LRRIQ1: variants seen among roughly 807,000 people sequenced by gnomAD.
The protein encoded by LRRIQ1 is leucine-rich repeat- and IQ domain-containing protein 1.
A neutral mutation model predicts 211.9 loss-of-function variants in LRRIQ1; 210 were observed. The ratio of observed to expected loss-of-function variants is 0.99; its 90% CI spans 0.89 to 1.11. The LOEUF (loss-of-function observed/expected upper bound fraction) is 1.11, where lower values mean the gene tolerates loss of function less well. LRRIQ1 is among the 50% of genes most tolerant of loss of function. The pLI, the probability that LRRIQ1 is intolerant of heterozygous loss-of-function variation, is 0.00. For synonymous variants in LRRIQ1, 699 were observed against 650.1 expected (o/e 1.08, Z -1.14); for missense variants, 2,136 against 1,939.5 (o/e 1.10, Z -1.90).
intron 24 of LRRIQ1, among the ~76,000 whole-genome samples, chr12:85,185,668 G>A (rs1270881571): frequency 1.3e-5 from 2 of 151,948 alleles, no homozygotes; most frequent in African/African-American, 2.4e-5. Flanking sequence ...TGGTGGTAAT[G>A]ATTCATAAAT....
At chr12:85,100,676 T>C (rs7956568) in intron 13 of LRRIQ1, among the ~76,000 whole-genome samples, 43,015 of 151,470 alleles carry the variant, frequency 0.28, 6,250 homozygotes, top group Admixed American at 0.34. Context: ...TGTATTTCTT[T>C]TGAGTCTGTC....
At chr12:85,067,708 A>C (rs1882590553) in intron 10 of LRRIQ1, among the ~76,000 whole-genome samples, 1 of 151,906 alleles carries the variant, frequency 6.6e-6, no homozygotes, top group South Asian at 2.1e-4. Flanking sequence ...TATTCCCATC[A>C]GCCCGTCAGG....
chr12:85,162,790 G>A (rs1890956053), intron 24 of LRRIQ1: 1 of 455,598 alleles, frequency 2.2e-6, no homozygotes, highest in South Asian at 1.6e-5. Context: ...GCTTTCTTTT[G>A]GAACCAGGTA....
chr12:85,171,992 A>G (rs1464599495), intron 24 of LRRIQ1, among the ~76,000 whole-genome samples: 1 of 152,214 alleles, frequency 6.6e-6, no homozygotes, highest in East Asian at 1.9e-4. Flanking sequence ...TCAAAGTGCT[A>G]AAATAAAATA....
intron 11 of LRRIQ1, among the ~76,000 whole-genome samples, chr12:85,077,975 G>A (rs1417745633): frequency 1.5e-5 from 2 of 135,070 alleles, no homozygotes; most frequent in African/African-American, 3.1e-5. Flanking sequence ...GCACCAGAAC[G>A]AGACCCTGTC....
chr12:85,109,228 G>A (rs1886999869), intron 15 of LRRIQ1, among the ~76,000 whole-genome samples: 2 of 152,102 alleles, frequency 1.3e-5, no homozygotes, highest in Admixed American at 1.3e-4. Flanking sequence ...CTTGTCTGAG[G>A]CTACTGCAAA....
At chr12:85,238,347 A>C (rs1179341996) in intron 26 of LRRIQ1, among the ~76,000 whole-genome samples, 1 of 152,090 alleles carries the variant, frequency 6.6e-6, no homozygotes, top group Non-Finnish European at 1.5e-5. Flanking sequence ...TGTGAAAACT[A>C]ATCACTGAAA....
downstream of LRRIQ1, among the ~76,000 whole-genome samples, chr12:85,249,254 A>G (rs1486137899): frequency 6.6e-6 from 1 of 151,830 alleles, no homozygotes; most frequent in Non-Finnish European, 1.5e-5. Context: ...AAAGATGGAT[A>G]TTGAAGTTTA....
chr12:85,238,756 TAGTGG>T (rs1307192274), intron 26 of LRRIQ1, among the ~76,000 whole-genome samples: 1 of 152,068 alleles, frequency 6.6e-6, no homozygotes, highest in African/African-American at 2.4e-5. Context: ...TTGATATACT[TAGTGG>T]TTAAAGGCCC....
At chr12:85,272,576 T>C in the LRRIQ1 span, among the ~76,000 whole-genome samples, 1 of 152,176 alleles carries the variant, frequency 6.6e-6, no homozygotes, top group African/African-American at 2.4e-5. Context: ...AAATGTATTC[T>C]TTAAAGCCTT....
chr12:85,159,410 G>A (rs1890737603), intron 23 of LRRIQ1: 1 of 151,852 alleles, frequency 6.6e-6, no homozygotes, highest in African/African-American at 2.4e-5. Context: ...TTATGTCTGT[G>A]GTTGAGAACC....
intron 3 of LRRIQ1, among the ~76,000 whole-genome samples, chr12:85,040,942 A>G (rs1592682024): frequency 1.3e-5 from 2 of 151,644 alleles, no homozygotes; most frequent in Non-Finnish European, 3.0e-5. Context: ...TGGGAAAAAT[A>G]TAATCACTTA....
At chr12:85,260,677 C>T (rs190667210) in intron 1 of LRRIQ1, among the ~76,000 whole-genome samples, 17 of 152,232 alleles carry the variant, frequency 1.1e-4, no homozygotes, top group African/African-American at 3.6e-4. Context: ...AATAAATATT[C>T]GGTATCCAGG....
At chr12:85,132,808 AT>A (rs772324969) in intron 18 of LRRIQ1, among the ~76,000 whole-genome samples, 1 of 151,766 alleles carries the variant, frequency 6.6e-6, no homozygotes, top group African/African-American at 2.4e-5. Flanking sequence ...AATAAAAATA[AT>A]TTTTTAAAAT....
chr12:85,061,600 CTG>C (rs1181309039), intron 8 of LRRIQ1, among the ~76,000 whole-genome samples: 2 of 151,690 alleles, frequency 1.3e-5, no homozygotes. Context: ...CTAAATCACA[CTG>C]AATAATATAA....
intron 24 of LRRIQ1, chr12:85,162,654 A>G: frequency 2.4e-6 from 1 of 417,904 alleles, no homozygotes; most frequent in Non-Finnish European, 4.7e-6. Flanking sequence ...AAAATATGCT[A>G]GAAATAGTTC....
chr12:85,040,678 G>A (rs1400085271), intron 3 of LRRIQ1, 77 bp downstream of exon 3: 2 of 809,598 alleles, frequency 2.5e-6, no homozygotes, highest in Admixed American at 4.5e-5. Context: ...AAACTAAAGT[G>A]CTTAAAGTTC....
intron 18 of LRRIQ1, 41 bp downstream of exon 18, chr12:85,128,074 A>G: frequency 7.4e-7 from 1 of 1,360,336 alleles, no homozygotes; most frequent in East Asian, 2.3e-5. Context: ...CAAAAGATAT[A>G]TTAGTTGTCT....
In LRRIQ1 at chr12:85,041,467, C is replaced by T. The variant is rs1239549618; in HGVS notation, c.244+866C>T. Among the ~76,000 whole-genome samples, 5 of 150,906 alleles carry T rather than the reference C, an allele frequency of 3.3e-5. No homozygotes were observed. The South Asian group carries it at 1.0e-3, about 32-fold the overall frequency. On this transcript the variant is annotated intron_variant, in intron 3 of 26. Coordinates refer to ENST00000393217, the MANE Select transcript of LRRIQ1 (RefSeq NM_001079910.2). ...GCTATTTTAAATAGTCAGGGAAGGT[C>T]TCTGTGACAAGGTGATATTTGAGCA...
Sources: gnomAD v4.1 joint callset for allele counts (sites outside exome capture counted in the v4.1 genomes callset) on GRCh38, gnomAD v4.1.1 for gene constraint, MANE v1.5 for transcripts, NCBI Gene and HGNC (gene_info 2026-07-23, HGNC 2026-07-21) for gene names.